Variants in PIK3CB observed in about 807,000 individuals in gnomAD.
PIK3CB encodes the protein phosphatidylinositol-4,5-bisphosphate 3-kinase catalytic subunit beta.
Under a neutral mutation model 136.8 loss-of-function variants are expected in PIK3CB, and 39 were observed. The ratio of observed to expected loss-of-function variants is 0.29; its 90% CI spans 0.22 to 0.37. PIK3CB has a LOEUF of 0.37. Ranked by LOEUF, PIK3CB falls within the 10% of genes least tolerant of loss-of-function variation. The pLI, the probability that PIK3CB is intolerant of heterozygous loss-of-function variation, is 1.00. For missense variants in PIK3CB, 868 were observed against 1,275.4 expected, an observed-to-expected ratio of 0.68 and a Z score of 4.87; for synonymous variants, 428 against 436.6, an observed-to-expected ratio of 0.98 and a Z score of 0.25.
intron 5 of PIK3CB, among the ~76,000 whole-genome samples, chr3:138,741,793 A>G (rs2108667760): frequency 6.6e-6 from 1 of 150,378 alleles, no homozygotes; most frequent in East Asian, 2.0e-4. Flanking sequence ...GCGCCATCGC[A>G]CTCCAGCCTG....
Position 138,706,521 on chromosome 3 carries a change from T to A in PIK3CB, c.1530+638A>T, listed in dbSNP as rs141028946. ...TACAGCAGTGACTATACCTTTAATA[T>A]TTGAAACAACATTTTATGTATTCAG... On this transcript the variant is annotated intron_variant, in intron 11 of 23. Transcript: ENST00000674063. Among the ~76,000 whole-genome samples the A allele has an allele frequency of 3.8e-3, 580 of 152,366 alleles. 5 individuals carry two copies. The highest frequency in any genetic ancestry group is 0.013 in the African/African-American group (557 of 41,584).
intron 5 of PIK3CB, among the ~76,000 whole-genome samples, chr3:138,740,638 A>G (rs1316282711): frequency 6.6e-6 from 1 of 151,922 alleles, no homozygotes; most frequent in African/African-American, 2.4e-5. Context: ...ATCACTTTCA[A>G]TGACTTCATG....
chr3:138,800,245 T>G (rs1303139567), intron 1 of PIK3CB, among the ~76,000 whole-genome samples: 1 of 152,202 alleles, frequency 6.6e-6, no homozygotes, highest in Non-Finnish European at 1.5e-5. Context: ...TTTATAACAT[T>G]TATTAATACT....
At chr3:138,787,841 T>C (rs913793838) in intron 2 of PIK3CB, among the ~76,000 whole-genome samples, 15 of 151,968 alleles carry the variant, frequency 9.9e-5, no homozygotes, top group Non-Finnish European at 1.5e-4. Flanking sequence ...CTGAAGCTTA[T>C]GGCAAAGCAT....
intron 2 of PIK3CB, among the ~76,000 whole-genome samples, chr3:138,791,104 C>A (rs1232402090): frequency 6.6e-6 from 1 of 152,018 alleles, no homozygotes; most frequent in African/African-American, 2.4e-5. Flanking sequence ...TGTACACCCT[C>A]TTCTCTCATC....
chr3:138,751,302 T>C (rs939183596), intron 4 of PIK3CB, among the ~76,000 whole-genome samples: 2 of 151,598 alleles, frequency 1.3e-5, no homozygotes, highest in African/African-American at 4.8e-5. Flanking sequence ...ACTAGAAATA[T>C]AAAAAATTAG....
At chr3:138,832,208 C>T (rs1392208062) in intron 1 of PIK3CB, among the ~76,000 whole-genome samples, 1 of 152,156 alleles carries the variant, frequency 6.6e-6, no homozygotes, top group Non-Finnish European at 1.5e-5. Context: ...ATGGATGAGT[C>T]TTTAAGAACA....
At chr3:138,701,612 C>T (rs2108540251) in intron 12 of PIK3CB, among the ~76,000 whole-genome samples, 1 of 151,782 alleles carries the variant, frequency 6.6e-6, no homozygotes, top group Non-Finnish European at 1.5e-5. Flanking sequence ...TGGTGAAACC[C>T]CATCTCTACT....
chr3:138,777,236 C>T (rs891894953), intron 2 of PIK3CB, among the ~76,000 whole-genome samples: 4 of 152,152 alleles, frequency 2.6e-5, no homozygotes, highest in East Asian at 1.9e-4. Flanking sequence ...GTCAGGTGCA[C>T]GATCCCTCTC....
chr3:138,748,126 G>A (rs2045398180), intron 4 of PIK3CB, among the ~76,000 whole-genome samples: 1 of 149,898 alleles, frequency 6.7e-6, no homozygotes, highest in African/African-American at 2.5e-5. Context: ...ACTTTTTGGA[G>A]GGCAATTTTG....
intron 2 of PIK3CB, among the ~76,000 whole-genome samples, chr3:138,765,950 A>G (rs746941595): frequency 6.6e-6 from 1 of 152,034 alleles, no homozygotes; most frequent in Non-Finnish European, 1.5e-5. Context: ...CTCAACCTAC[A>G]TTTCAGGTAG....
chr3:138,795,728 G>A (rs1422561413), intron 2 of PIK3CB, among the ~76,000 whole-genome samples: 5 of 152,188 alleles, frequency 3.3e-5, no homozygotes, highest in African/African-American at 4.8e-5. Context: ...GCTTAAGGAA[G>A]TGATGACTGC....
intron 12 of PIK3CB, among the ~76,000 whole-genome samples, chr3:138,702,052 G>T (rs1303283554): frequency 6.6e-6 from 1 of 151,006 alleles, no homozygotes; most frequent in Non-Finnish European, 1.5e-5. Flanking sequence ...ATTAGCTCTG[G>T]AGAGGAAGGT....
chr3:138,833,368 G>GA (rs565250542), intron 1 of PIK3CB, among the ~76,000 whole-genome samples: 86 of 152,092 alleles, frequency 5.7e-4, no homozygotes, highest in African/African-American at 2.0e-3. Flanking sequence ...CACCTGGTCA[G>GA]AAAAAAGACT....
intron 6 of PIK3CB, among the ~76,000 whole-genome samples, chr3:138,735,329 A>G (rs554338567): frequency 6.6e-6 from 1 of 152,208 alleles, no homozygotes; most frequent in Non-Finnish European, 1.5e-5. Context: ...GAAATGAGTT[A>G]GATGATTATT....
At chr3:138,687,341 A>C (rs1349243524) in intron 16 of PIK3CB, among the ~76,000 whole-genome samples, 2 of 152,228 alleles carry the variant, frequency 1.3e-5, no homozygotes, top group Non-Finnish European at 2.9e-5. Context: ...GAAAATGGTT[A>C]TATGATGACA....
At chr3:138,778,756 C>A in intron 2 of PIK3CB, 1 of 275,328 alleles carries the variant, frequency 3.6e-6, no homozygotes, top group Non-Finnish European at 7.2e-6. Context: ...CCTGGTATGA[C>A]AATGAATTTG....
Position 138,656,157 on chromosome 3 carries a change from A to G in PIK3CB, c.3060T>C (p.Asp1020=), listed in dbSNP as rs535604209. 6.2e-6 allele frequency: 10 copies of G among 1,614,174 alleles called. No homozygotes were observed. Among genetic ancestry groups the G allele is most frequent in the Non-Finnish European group, 7.6e-6 (9 of 1,180,020 alleles). The part of the protein sequence containing the change: ...AGLPELTSVK[D]IQYLKDSLAL... ...GGTTTTATACCTTAAGATACTGTAT[A>G]TCTTTGACTGATGTGAGTTCAGGAA... Residue 1020 remains aspartate (D), a synonymous_variant, in exon 23 of 24, where the codon GAT becomes GAC. Transcript: ENST00000674063.
At chr3:138,815,923 C>A (rs570092827) in intron 1 of PIK3CB, among the ~76,000 whole-genome samples, 77 of 152,326 alleles carry the variant, frequency 5.1e-4, no homozygotes, top group African/African-American at 1.8e-3. Flanking sequence ...TACATGGCAG[C>A]AACTGCTCCT....
Sources: allele counts gnomAD v4.1 joint callset (sites outside exome capture counted in the v4.1 genomes callset), GRCh38; gene constraint gnomAD v4.1.1; transcripts MANE v1.5; gene names NCBI Gene and HGNC (gene_info 2026-07-23, HGNC 2026-07-21).